Variants in CFI observed in about 807,000 individuals in gnomAD.
CFI encodes the protein C3B/C4B inactivator.
A neutral mutation model predicts 78.8 loss-of-function variants in CFI; 66 were observed. The observed-to-expected ratio is 0.84, with a 90% CI of 0.69 to 1.03. The LOEUF is 1.03. CFI is among the 50% of genes least tolerant of loss of function. CFI has a pLI of 0.00. For synonymous variants in CFI, 250 were observed against 232.6 expected (o/e 1.07, Z -0.68); for missense variants, 706 against 704.5 (o/e 1.00, Z -0.02).
At chr4:109,736,664 T>C (rs1460638375), downstream of CFI, among the ~76,000 whole-genome samples, 1 of 152,122 alleles carries the variant, frequency 6.6e-6, no homozygotes, top group Non-Finnish European at 1.5e-5. Context: ...CAATGTAAGA[T>C]TGCTTGGCAC....
At chr4:109,789,549 T>C (rs1260604191) in intron 1 of CFI, among the ~76,000 whole-genome samples, 1 of 152,040 alleles carries the variant, frequency 6.6e-6, no homozygotes, top group Non-Finnish European at 1.5e-5. Flanking sequence ...AAATTGGCAA[T>C]CTATAATTCT....
intron 1 of CFI, among the ~76,000 whole-genome samples, chr4:109,787,335 G>C (rs1020280181): frequency 2.0e-5 from 3 of 152,018 alleles, no homozygotes; most frequent in Non-Finnish European, 4.4e-5. Context: ...AAGAGTTTTA[G>C]GCCCCCTGTG....
chr4:109,762,765 G>A (rs1024101348), intron 3 of CFI, among the ~76,000 whole-genome samples: 13 of 152,124 alleles, frequency 8.5e-5, no homozygotes, highest in Non-Finnish European at 1.8e-4. Flanking sequence ...TCTGAAAAAC[G>A]TACCAACCTA....
chr4:109,766,759 G>A lies in CFI; in HGVS notation c.123C>T (p.Leu41=), dbSNP rs1483911800. The A allele has an allele frequency of 1.9e-6, 3 of 1,614,060 alleles. No homozygotes were observed. The highest frequency in any genetic ancestry group is 2.7e-5 in the African/African-American group (2 of 74,942). The part of the protein sequence containing the change: ...KKCLAKKYTH[L]SCDKVFCQPW... ...GCTGGCAGAAGACTTTATCGCAGGA[G>A]AGGTGAGTATATTTTTTTGCTAAGC... The change falls in exon 2 of 13, where the codon CTC becomes CTT. Residue 41 remains leucine (L), a synonymous_variant. Transcript: ENST00000394634.
intron 2 of CFI, among the ~76,000 whole-genome samples, chr4:109,765,308 A>G (rs1232422443): frequency 6.6e-6 from 1 of 152,208 alleles, no homozygotes; most frequent in Non-Finnish European, 1.5e-5. Flanking sequence ...GGTGCCTTTA[A>G]AAAGAATGTT....
At chr4:109,733,121 G>A in the CFI span, among the ~76,000 whole-genome samples, 33 of 151,758 alleles carry the variant, frequency 2.2e-4, no homozygotes, top group South Asian at 1.9e-3. Context: ...ACAGGTGCCC[G>A]CCACCACACC....
At chr4:109,763,267 A>G (rs575576165) in intron 3 of CFI, among the ~76,000 whole-genome samples, 1 of 152,216 alleles carries the variant, frequency 6.6e-6, no homozygotes, top group East Asian at 1.9e-4. Context: ...TTTTTCTATT[A>G]TTACTGAAGG....
downstream of CFI, chr4:109,740,584 T>A (rs1391426042): frequency 2.6e-6 from 1 of 379,030 alleles, no homozygotes; most frequent in Non-Finnish European, 5.0e-6. Context: ...GAGCTGGGAT[T>A]TGAACCCAAC....
chr4:109,751,224 T>A (rs1472187661), intron 8 of CFI, among the ~76,000 whole-genome samples: 1 of 151,752 alleles, frequency 6.6e-6, no homozygotes, highest in Non-Finnish European at 1.5e-5. Context: ...TAGAAGATGG[T>A]TTTTTTTGGT....
At chr4:109,737,895 A>G (rs1723460118), downstream of CFI, among the ~76,000 whole-genome samples, 3 of 152,174 alleles carry the variant, frequency 2.0e-5, no homozygotes, top group Admixed American at 2.0e-4. Context: ...GAGTCAGGTC[A>G]TCTCACTCCT....
intron 11 of CFI, 78 bp downstream of exon 11, chr4:109,746,144 G>C: frequency 6.6e-7 from 1 of 1,506,450 alleles, no homozygotes; most frequent in South Asian, 1.2e-5. Context: ...TGAGTGCTAG[G>C]AAATTAGCTC....
chr4:109,734,323 A>G, the CFI span, among the ~76,000 whole-genome samples: 219 of 152,302 alleles, frequency 1.4e-3, 1 homozygote, highest in African/African-American at 5.0e-3. Context: ...GCAGAAGTGG[A>G]AAAGTGCTAT....
At chr4:109,773,844 G>A (rs528820229) in intron 1 of CFI, among the ~76,000 whole-genome samples, 14 of 152,286 alleles carry the variant, frequency 9.2e-5, no homozygotes, top group Admixed American at 2.6e-4. Flanking sequence ...TTTTGGACCC[G>A]AACAATAGAC....
chr4:109,801,813 G>T, intron 1 of CFI, 102 bp downstream of exon 1: 3 of 764,518 alleles, frequency 3.9e-6, no homozygotes, highest in Non-Finnish European at 6.6e-6. Flanking sequence ...ACTGAACTAT[G>T]TAATATTTAA....
At chr4:109,748,474 A>C (rs1366749924) in intron 10 of CFI, among the ~76,000 whole-genome samples, 4 of 152,230 alleles carry the variant, frequency 2.6e-5, no homozygotes, top group Non-Finnish European at 4.4e-5. Flanking sequence ...TGGGCTTTTA[A>C]GAACTTATCA....
At chr4:109,799,343 G>T (rs746777322) in intron 1 of CFI, among the ~76,000 whole-genome samples, 4 of 152,190 alleles carry the variant, frequency 2.6e-5, no homozygotes, top group Non-Finnish European at 5.9e-5. Context: ...AGTGCCTGGG[G>T]TCTGTCCTAC....
chr4:109,752,383 T>A (rs1218938129), intron 8 of CFI, 85 bp downstream of exon 8: 9 of 1,184,560 alleles, frequency 7.6e-6, no homozygotes, highest in African/African-American at 1.5e-5. Flanking sequence ...ACTTGTTGCT[T>A]GAATCAATTA....
intron 1 of CFI, among the ~76,000 whole-genome samples, chr4:109,785,125 T>C (rs1403312609): frequency 6.6e-6 from 1 of 151,988 alleles, no homozygotes; most frequent in East Asian, 1.9e-4. Flanking sequence ...GTCCCAAACC[T>C]ATAAGAACTA....
intron 4 of CFI, 60 bp downstream of exon 4, chr4:109,761,457 C>T (rs1727045477): frequency 2.0e-6 from 3 of 1,486,638 alleles, no homozygotes; most frequent in Admixed American, 3.3e-5. Context: ...TTACTATAGG[C>T]TTGGTGTAAA....
Sources: allele counts gnomAD v4.1 joint callset (sites outside exome capture counted in the v4.1 genomes callset), GRCh38; gene constraint gnomAD v4.1.1; transcripts MANE v1.5; gene names NCBI Gene and HGNC (gene_info 2026-07-23, HGNC 2026-07-21).